SMYD3: variants seen among roughly 807,000 people sequenced by gnomAD.
SMYD3 encodes the protein SET and MYND domain containing 3.
A neutral mutation model predicts 57.7 loss-of-function variants in SMYD3; 36 were observed. The ratio of observed to expected loss-of-function variants is 0.62; its 90% CI spans 0.48 to 0.82. SMYD3 has a LOEUF of 0.82. Among genes scored for constraint, SMYD3 ranks in the 40% least tolerant of loss-of-function variants. The pLI is 0.00. For missense variants in SMYD3, 515 were observed against 538.8 expected, an observed-to-expected ratio of 0.96 and a Z score of 0.44; for synonymous variants, 211 against 195.0, an observed-to-expected ratio of 1.08 and a Z score of -0.68.
chr1:246,143,626 T>C lies in SMYD3; in HGVS notation c.531+183575A>G, dbSNP rs73141344. Among the ~76,000 whole-genome samples the C allele has an allele frequency of 8.8e-3, 1,341 of 152,246 alleles. 16 individuals are homozygous for C. The highest frequency in any genetic ancestry group is 0.03 in the African/African-American group (1,248 of 41,548). On this transcript the variant is annotated intron_variant, in intron 5 of 11. Transcript: ENST00000490107. The stretch of plus-strand genomic sequence containing the variant: ...AAGGCTGCAGTGATCCATGATTGTG[T>C]CACTGCATTTCAGCCTGGGCAACAG...
At chr1:246,352,162 A>AAC (rs2065841810) in intron 2 of SMYD3, among the ~76,000 whole-genome samples, 1 of 113,260 alleles carries the variant, frequency 8.8e-6, no homozygotes, top group Non-Finnish European at 1.9e-5. Flanking sequence ...AAAAAAAAAA[A>AAC]ACATAAAGAA....
At chr1:245,899,409 T>C (rs1446095846) in intron 8 of SMYD3, among the ~76,000 whole-genome samples, 2 of 152,182 alleles carry the variant, frequency 1.3e-5, no homozygotes, top group Admixed American at 1.3e-4. Flanking sequence ...TCTCTTCCAC[T>C]AGAAAATATT....
chr1:245,831,597 G>A (rs1462321116), intron 10 of SMYD3, among the ~76,000 whole-genome samples: 1 of 152,234 alleles, frequency 6.6e-6, no homozygotes, highest in African/African-American at 2.4e-5. Flanking sequence ...GTCGATGTTT[G>A]GACCAAGTTC....
chr1:246,093,110 A>G (rs1424682759), intron 5 of SMYD3, among the ~76,000 whole-genome samples: 2 of 152,180 alleles, frequency 1.3e-5, no homozygotes, highest in African/African-American at 4.8e-5. Context: ...GACGAAAAAG[A>G]ACAGATGCTT....
chr1:245,946,534 G>A (rs1460612935), intron 5 of SMYD3, among the ~76,000 whole-genome samples: 1 of 152,152 alleles, frequency 6.6e-6, no homozygotes, highest in African/African-American at 2.4e-5. Context: ...ATGAAAGAAA[G>A]GTAAGAGAAC....
chr1:246,449,292 A>G (rs534323416), intron 1 of SMYD3, among the ~76,000 whole-genome samples: 2 of 152,300 alleles, frequency 1.3e-5, no homozygotes, highest in East Asian at 3.9e-4. Context: ...AATCTCCACC[A>G]AATTGAATAG....
intron 5 of SMYD3, among the ~76,000 whole-genome samples, chr1:245,938,229 T>C (rs565455306): frequency 1.8e-4 from 28 of 152,288 alleles, no homozygotes; most frequent in Middle Eastern, 6.8e-3. Flanking sequence ...GTAGCTGAAG[T>C]GTGCATGACT....
Position 246,327,208 on chromosome 1 carries a change from A to G in SMYD3, c.524T>C (p.Phe175Ser), listed in dbSNP as rs762875181. ...AGCAAACTTAACACTTACTTTTGCA[A>G]AGGCTTCAAAAAGGTCAAAGGCAGG... ...LPPAFDLFEA[F>S]AKVICNSFTI... The change falls in exon 5 of 12, where the codon TTT becomes TCT. Residue 175 changes from phenylalanine to serine, a missense_variant. Transcript: ENST00000490107. 3 of 1,614,084 alleles carry G rather than the reference A, an allele frequency of 1.9e-6. No individual in the cohort carries two copies. The highest frequency in any genetic ancestry group is 2.5e-6 in the Non-Finnish European group (3 of 1,179,998).
intron 7 of SMYD3, among the ~76,000 whole-genome samples, chr1:245,926,931 C>T (rs61830251): frequency 0.08 from 12,121 of 152,222 alleles, 671 homozygotes; most frequent in Non-Finnish European, 0.12. Context: ...ATACACTGGT[C>T]CTAAAATCTG....
At chr1:246,050,165 C>T (rs574711301) in intron 5 of SMYD3, among the ~76,000 whole-genome samples, 1 of 152,330 alleles carries the variant, frequency 6.6e-6, no homozygotes, top group African/African-American at 2.4e-5. Context: ...TAATTAGACT[C>T]ATAGTCTAGA....
intron 1 of SMYD3, among the ~76,000 whole-genome samples, chr1:246,448,446 A>C (rs905855136): frequency 6.6e-6 from 1 of 152,090 alleles, no homozygotes; most frequent in East Asian, 1.9e-4. Flanking sequence ...GGCAGGGAAT[A>C]CCCATCCCCA....
chr1:246,446,565 C>T (rs1162009193), intron 1 of SMYD3, among the ~76,000 whole-genome samples: 1 of 152,096 alleles, frequency 6.6e-6, no homozygotes, highest in African/African-American at 2.4e-5. Flanking sequence ...GCTCTTTGAG[C>T]TTGCAACAGG....
intron 1 of SMYD3, among the ~76,000 whole-genome samples, chr1:246,414,875 C>T (rs910512503): frequency 1.3e-5 from 2 of 151,972 alleles, no homozygotes; most frequent in African/African-American, 4.8e-5. Context: ...CACCACCAGG[C>T]CCAGCTAATT....
At chr1:245,905,066 C>T (rs1474167117) in intron 8 of SMYD3, among the ~76,000 whole-genome samples, 1 of 151,834 alleles carries the variant, frequency 6.6e-6, no homozygotes, top group Non-Finnish European at 1.5e-5. Flanking sequence ...ACTGAAGAAC[C>T]CTTGGGCCCC....
At chr1:245,812,405 C>T (rs1457448676) in intron 10 of SMYD3, among the ~76,000 whole-genome samples, 1 of 152,132 alleles carries the variant, frequency 6.6e-6, no homozygotes, top group Non-Finnish European at 1.5e-5. Context: ...CAGGCACCAC[C>T]ACTGCTATCT....
intron 5 of SMYD3, among the ~76,000 whole-genome samples, chr1:246,035,837 AT>A (rs1413185528): frequency 1.3e-5 from 2 of 152,210 alleles, no homozygotes; most frequent in Non-Finnish European, 2.9e-5. Flanking sequence ...TGATCCTCTG[AT>A]TGTCCAGGTG....
intron 5 of SMYD3, among the ~76,000 whole-genome samples, chr1:245,969,481 C>T (rs1022076989): frequency 1.3e-5 from 2 of 152,196 alleles, no homozygotes; most frequent in Non-Finnish European, 2.9e-5. Flanking sequence ...ATTTGTCTGA[C>T]CCTGTTTTCA....
chr1:245,796,096 T>C (rs2047510041), intron 10 of SMYD3, among the ~76,000 whole-genome samples: 1 of 152,152 alleles, frequency 6.6e-6, no homozygotes, highest in Non-Finnish European at 1.5e-5. Flanking sequence ...TGGTGCTGCC[T>C]ACAAATATAA....
At chr1:245,752,549 C>T (rs1478593191) in intron 11 of SMYD3, among the ~76,000 whole-genome samples, 3 of 152,234 alleles carry the variant, frequency 2.0e-5, no homozygotes, top group Non-Finnish European at 4.4e-5. Context: ...TCCAGGCTTC[C>T]TTCCTCGCTC....
Sources: gnomAD v4.1 joint callset for allele counts (sites outside exome capture counted in the v4.1 genomes callset) on GRCh38, gnomAD v4.1.1 for gene constraint, MANE v1.5 for transcripts, NCBI Gene and HGNC (gene_info 2026-07-23, HGNC 2026-07-21) for gene names.